Variants in TRIM24 observed in about 807,000 individuals in gnomAD.
TRIM24 encodes tripartite motif containing 24.
Under a neutral mutation model 123.9 loss-of-function variants are expected in TRIM24, and 29 were observed. The ratio of observed to expected loss-of-function variants is 0.23; its 90% CI spans 0.17 to 0.32. The LOEUF (loss-of-function observed/expected upper bound fraction) is 0.32. Ranked by LOEUF, TRIM24 falls within the 10% of genes least tolerant of loss-of-function variation. The probability of loss-of-function intolerance (pLI) is 1.00; values close to 1 mark genes in which losing one functional copy is unlikely to be tolerated. For synonymous variants in TRIM24, 456 were observed against 461.1 expected (o/e 0.99, Z 0.14); for missense variants, 932 against 1,295.3 (o/e 0.72, Z 4.31).
chr7:138,552,814 T>A (rs1443986647), intron 8 of TRIM24, among the ~76,000 whole-genome samples: 1 of 152,188 alleles, frequency 6.6e-6, no homozygotes, highest in Non-Finnish European at 1.5e-5. Flanking sequence ...CTGGAATTAT[T>A]ACACACTCAT....
intron 7 of TRIM24, 42 bp downstream of exon 7, chr7:138,538,845 A>G: frequency 6.4e-7 from 1 of 1,565,376 alleles, no homozygotes; most frequent in East Asian, 2.3e-5. Flanking sequence ...AAAAATGCAC[A>G]GTAAAACAAT....
chr7:138,525,612 T>C (rs1796592317), intron 5 of TRIM24, among the ~76,000 whole-genome samples: 2 of 152,208 alleles, frequency 1.3e-5, no homozygotes, highest in South Asian at 4.1e-4. Context: ...TTATCACTTA[T>C]TTTCCAATTT....
At chr7:138,553,417 T>C (rs980647168) in intron 8 of TRIM24, among the ~76,000 whole-genome samples, 1 of 152,212 alleles carries the variant, frequency 6.6e-6, no homozygotes, top group African/African-American at 2.4e-5. Flanking sequence ...CATACACATA[T>C]ACCTTCTTGT....
chr7:138,512,406 G>T (rs924033292), intron 2 of TRIM24, among the ~76,000 whole-genome samples: 2 of 152,130 alleles, frequency 1.3e-5, no homozygotes, highest in African/African-American at 4.8e-5. Flanking sequence ...TGTACTGCGC[G>T]AGTAGAGGTT....
At chr7:138,504,647 A>G (rs1336683969) in intron 2 of TRIM24, among the ~76,000 whole-genome samples, 2 of 151,562 alleles carry the variant, frequency 1.3e-5, no homozygotes, top group Non-Finnish European at 2.9e-5. Context: ...TTTTTAGTAG[A>G]GACGGGGTTT....
chr7:138,563,195 C>T (rs1797463207), intron 9 of TRIM24, among the ~76,000 whole-genome samples: 1 of 152,168 alleles, frequency 6.6e-6, no homozygotes, highest in Non-Finnish European at 1.5e-5. Context: ...CCTGGTCTGT[C>T]CTTGTCCTTA....
chr7:138,480,873 G>T (rs1795511779), intron 1 of TRIM24, among the ~76,000 whole-genome samples: 1 of 152,122 alleles, frequency 6.6e-6, no homozygotes. Context: ...CAGTTAGGTT[G>T]AGCACTTTCC....
At chr7:138,466,848 C>T (rs1374069205) in intron 1 of TRIM24, among the ~76,000 whole-genome samples, 1 of 151,908 alleles carries the variant, frequency 6.6e-6, no homozygotes, top group Non-Finnish European at 1.5e-5. Flanking sequence ...ACTTTTGTGT[C>T]CTATCTAACA....
At chr7:138,564,480 C>G (rs1011260117) in intron 9 of TRIM24, among the ~76,000 whole-genome samples, 1 of 152,206 alleles carries the variant, frequency 6.6e-6, no homozygotes, top group Non-Finnish European at 1.5e-5. Context: ...ACTGGTTTCT[C>G]TTGCCCTTCC....
In TRIM24 at chr7:138,573,899, A is replaced by G. The variant is rs999224618; in HGVS notation, c.2014+257A>G. Among the ~76,000 whole-genome samples, 14 of 152,170 alleles carry G rather than the reference A, an allele frequency of 9.2e-5. No individual in the cohort carries two copies. In the South Asian group the frequency reaches 1.9e-3, roughly 20 times the overall value. Reference sequence around the variant, plus strand: ...TCACTGCAGACTCACTCCTGAGCTCAAGCGATCTCCCACCTCAGCCTCCTG... The same window carrying G: ...TCACTGCAGACTCACTCCTGAGCTCGAGCGATCTCCCACCTCAGCCTCCTG... On this transcript the variant is annotated intron_variant, in intron 12 of 18. Coordinates refer to ENST00000343526, the MANE Select transcript of TRIM24 (RefSeq NM_015905.3).
intron 1 of TRIM24, among the ~76,000 whole-genome samples, chr7:138,470,116 A>C (rs1795237982): frequency 6.8e-6 from 1 of 147,342 alleles, no homozygotes; most frequent in Admixed American, 6.9e-5. Flanking sequence ...TGCCTCCTAC[A>C]AGTATAATTT....
At chr7:138,523,936 C>T (rs187203617) in intron 4 of TRIM24, among the ~76,000 whole-genome samples, 90 of 151,858 alleles carry the variant, frequency 5.9e-4, no homozygotes, top group African/African-American at 1.5e-3. Flanking sequence ...TTCCAAGAAA[C>T]GGAAAATAAG....
At chr7:138,552,297 AAC>A (rs1340515253) in intron 8 of TRIM24, among the ~76,000 whole-genome samples, 1 of 152,178 alleles carries the variant, frequency 6.6e-6, no homozygotes, top group Non-Finnish European at 1.5e-5. Flanking sequence ...ATCCTTTAGC[AAC>A]ACATAACTGT....
At chr7:138,505,002 C>A (rs1450168454) in intron 2 of TRIM24, among the ~76,000 whole-genome samples, 1 of 151,946 alleles carries the variant, frequency 6.6e-6, no homozygotes. Context: ...CTTGAGTAAT[C>A]CACCCGCCTC....
intron 9 of TRIM24, among the ~76,000 whole-genome samples, chr7:138,558,073 G>A (rs1797351942): frequency 2.0e-5 from 3 of 152,096 alleles, no homozygotes; most frequent in Admixed American, 2.0e-4. Context: ...CAGAAGGATG[G>A]TCTGATTGTC....
intron 6 of TRIM24, among the ~76,000 whole-genome samples, chr7:138,533,069 C>G (rs1796783240): frequency 6.6e-6 from 1 of 152,160 alleles, no homozygotes. Flanking sequence ...ATTTTGTATC[C>G]TGAGACTTTG....
At chr7:138,524,182 T>G (rs1163346371) in intron 4 of TRIM24, among the ~76,000 whole-genome samples, 1 of 152,118 alleles carries the variant, frequency 6.6e-6, no homozygotes, top group Non-Finnish European at 1.5e-5. Context: ...TAAATATACA[T>G]TCATGATACA....
Position 138,471,689 on chromosome 7 carries a change from C to T in TRIM24, c.364+10777C>T, listed in dbSNP as rs144814185. Among the ~76,000 whole-genome samples the T allele has an allele frequency of 1.4e-3, 218 of 151,984 alleles. 1 individual carries two copies. The East Asian group carries it at 0.021, about 15-fold the overall frequency. ...CCCAACAGCTGGGATTACAGGTGCG[C>T]GCCACCACAGTTGGCTAATTTTTGT... On this transcript the variant is annotated intron_variant, in intron 1 of 18. Transcript: ENST00000343526.
intron 8 of TRIM24, among the ~76,000 whole-genome samples, chr7:138,551,661 C>A (rs1343680947): frequency 1.3e-5 from 2 of 152,178 alleles, no homozygotes; most frequent in Middle Eastern, 3.4e-3. Flanking sequence ...ATTTAGGTGT[C>A]CTGTCCTGTC....
Sources: allele counts gnomAD v4.1 joint callset (sites outside exome capture counted in the v4.1 genomes callset), GRCh38; gene constraint gnomAD v4.1.1; transcripts MANE v1.5; gene names NCBI Gene and HGNC (gene_info 2026-07-23, HGNC 2026-07-21).